Variants in VMP1 observed in about 807,000 individuals in gnomAD.
The protein encoded by VMP1 is vacuole membrane protein 1.
Under a neutral mutation model 56.0 loss-of-function variants are expected in VMP1, and 11 were observed. That is an observed-to-expected ratio of 0.20 (90% CI 0.12 to 0.32). VMP1 has a LOEUF of 0.32. VMP1 is among the 10% of genes least tolerant of loss of function. The pLI, the probability that VMP1 is intolerant of heterozygous loss-of-function variation, is 1.00. For synonymous variants in VMP1, 149 were observed against 165.0 expected (o/e 0.90, Z 0.74); for missense variants, 296 against 490.3 (o/e 0.60, Z 3.74).
At chr17:59,770,119 C>T (rs1008800452) in intron 6 of VMP1, among the ~76,000 whole-genome samples, 1 of 152,122 alleles carries the variant, frequency 6.6e-6, no homozygotes, top group Non-Finnish European at 1.5e-5. Flanking sequence ...ACGTATAAGA[C>T]AGTATACAGC....
chr17:59,730,930 T>A (rs945145978), intron 1 of VMP1, among the ~76,000 whole-genome samples: 1 of 152,140 alleles, frequency 6.6e-6, no homozygotes, highest in Non-Finnish European at 1.5e-5. Context: ...GTATCAACAG[T>A]TGCAGCATCT....
At chr17:59,793,605 C>T (rs1477763169) in intron 7 of VMP1, among the ~76,000 whole-genome samples, 2 of 115,386 alleles carry the variant, frequency 1.7e-5, no homozygotes, top group African/African-American at 5.2e-5. Context: ...TGTGTGCACG[C>T]GTGCGCATGT....
intron 5 of VMP1, among the ~76,000 whole-genome samples, chr17:59,759,903 G>GTTTTTTTTTTTTTTTTTTTTTTGTTTT (rs58618508): frequency 1.0e-5 from 1 of 97,952 alleles, no homozygotes; most frequent in African/African-American, 3.0e-5. Context: ...GTTTTTTGGT[G>GTTTTTTTTTTTTTTTTTTTTTTGTTTT]TTTTTTTTTT....
At chr17:59,776,360 G>C (rs1315292870) in intron 7 of VMP1, among the ~76,000 whole-genome samples, 1 of 152,192 alleles carries the variant, frequency 6.6e-6, no homozygotes, top group Non-Finnish European at 1.5e-5. Context: ...TTTGTGGAAA[G>C]AGCAAATTGC....
intron 7 of VMP1, among the ~76,000 whole-genome samples, chr17:59,803,387 C>G (rs1346108319): frequency 1.3e-5 from 2 of 152,080 alleles, no homozygotes; most frequent in African/African-American, 2.4e-5. Flanking sequence ...ATGTTTCTTG[C>G]GTCTCCTGTT....
At chr17:59,726,291 G>GTTTTTTTTTTTTTTTT (rs541555827) in intron 1 of VMP1, among the ~76,000 whole-genome samples, 1 of 145,058 alleles carries the variant, frequency 6.9e-6, no homozygotes, top group Non-Finnish European at 1.5e-5. Context: ...AGTTTTTTTT[G>GTTTTTTTTTTTTTTTT]TTTTTTTTTT....
chr17:59,828,076 C>T (rs2038698626), intron 10 of VMP1, among the ~76,000 whole-genome samples: 1 of 150,786 alleles, frequency 6.6e-6, no homozygotes, highest in African/African-American at 2.4e-5. Context: ...TAAATGCAAT[C>T]AGTTGATTTT....
intron 9 of VMP1, among the ~76,000 whole-genome samples, chr17:59,816,981 A>G (rs565057599): frequency 4.0e-5 from 6 of 149,448 alleles, no homozygotes; most frequent in African/African-American, 1.5e-4. Context: ...AAAGAAAAAA[A>G]AAAAGGGCCG....
At chr17:59,773,999 A>G (rs910797535) in intron 7 of VMP1, 114 bp downstream of exon 7, 19 of 1,086,272 alleles carry the variant, frequency 1.7e-5, no homozygotes, top group African/African-American at 6.4e-5. Context: ...AAAAAAAAAA[A>G]AAAGAAAGAA....
intron 7 of VMP1, among the ~76,000 whole-genome samples, chr17:59,777,557 A>T (rs1301983847): frequency 1.3e-5 from 2 of 151,948 alleles, no homozygotes; most frequent in Non-Finnish European, 2.9e-5. Flanking sequence ...CACGCCTGTA[A>T]TCCCAGCACT....
chr17:59,823,585 T>C (rs1598445807), intron 10 of VMP1, among the ~76,000 whole-genome samples: 1 of 151,476 alleles, frequency 6.6e-6, no homozygotes, highest in East Asian at 2.0e-4. Context: ...CAGTCTCTAC[T>C]AAAAATACAA....
chr17:59,809,336 A>C (rs1598425641), intron 8 of VMP1, among the ~76,000 whole-genome samples: 1 of 60,364 alleles, frequency 1.7e-5, no homozygotes, highest in African/African-American at 5.5e-5. Context: ...TTTTTTTGAG[A>C]CAAGAGTTTC....
At chr17:59,809,008 T>G in intron 8 of VMP1, 132 bp downstream of exon 8, 1 of 742,828 alleles carries the variant, frequency 1.3e-6, no homozygotes, top group Non-Finnish European at 2.1e-6. Context: ...TTCACCTTTT[T>G]TTTTTTTTAA....
chr17:59,757,823 T>G (rs1478957153), intron 5 of VMP1, among the ~76,000 whole-genome samples: 2 of 150,736 alleles, frequency 1.3e-5, no homozygotes, highest in Non-Finnish European at 2.9e-5. Context: ...ATAACTATAC[T>G]GAGTTACCAA....
At chr17:59,760,739 G>A (rs1309013975) in intron 5 of VMP1, among the ~76,000 whole-genome samples, 2 of 152,100 alleles carry the variant, frequency 1.3e-5, no homozygotes, top group Admixed American at 1.3e-4. Context: ...CCCTGCCTCA[G>A]CCTCCCGAGT....
At chr17:59,713,048 T>C (rs1166168771) in intron 1 of VMP1, among the ~76,000 whole-genome samples, 1 of 152,058 alleles carries the variant, frequency 6.6e-6, no homozygotes, top group Admixed American at 6.5e-5. Flanking sequence ...AAGGGAAGTG[T>C]CAGGGATGAC....
chr17:59,824,558 G>A (rs1235557787), intron 10 of VMP1, among the ~76,000 whole-genome samples: 6 of 145,484 alleles, frequency 4.1e-5, no homozygotes, highest in African/African-American at 1.5e-4. Context: ...CAGTGACAGA[G>A]GGAGACTCCT....
rs144070923 is a variant in VMP1, at chr17:59,839,848, C to T, written c.1158C>T (p.Ser386=). ...ACTTCATCCTATCTATCATTAACTC[C>T]ATGGCACAAAGTTATGCCAAACGAA... ...VCYFILSIIN[S]MAQSYAKRIQ... The change falls in exon 12 of 12, where the codon TCC becomes TCT. Residue 386 remains serine, a synonymous_variant. Coordinates refer to ENST00000262291, the MANE Select transcript of VMP1 (RefSeq NM_030938.5). 2.9e-4 allele frequency: 473 copies of T among 1,613,364 alleles called. No individual in the cohort carries two copies. Among genetic ancestry groups the T allele is most frequent in the Non-Finnish European group, 3.8e-4 (446 of 1,179,878 alleles).
intron 5 of VMP1, among the ~76,000 whole-genome samples, chr17:59,754,756 A>G (rs1443085198): frequency 6.6e-6 from 1 of 152,134 alleles, no homozygotes; most frequent in Non-Finnish European, 1.5e-5. Flanking sequence ...GTCTTTCCCT[A>G]AGGAATGACT....
Sources: allele counts gnomAD v4.1 joint callset (sites outside exome capture counted in the v4.1 genomes callset), GRCh38; gene constraint gnomAD v4.1.1; transcripts MANE v1.5; gene names NCBI Gene and HGNC (gene_info 2026-07-23, HGNC 2026-07-21).